The following ZFPM2 variants were observed in gnomAD, a reference collection of about 807,000 sequenced individuals.
The protein encoded by ZFPM2 is zinc finger protein, FOG family member 2.
ZFPM2 carries 20 observed loss-of-function variants against 98.6 expected under a neutral mutation model. The observed-to-expected ratio is 0.20, with a 90% CI of 0.14 to 0.29. The LOEUF is 0.29. Ranked by LOEUF, ZFPM2 falls within the 10% of genes least tolerant of loss-of-function variation. The pLI is 1.00. For synonymous variants in ZFPM2, 518 were observed against 502.7 expected, an observed-to-expected ratio of 1.03 and a Z score of -0.41; for missense variants, 1,310 against 1,388.6, an observed-to-expected ratio of 0.94 and a Z score of 0.90.
chr8:105,746,939 A>G (rs1006856284), intron 5 of ZFPM2, among the ~76,000 whole-genome samples: 3 of 152,080 alleles, frequency 2.0e-5, no homozygotes, highest in African/African-American at 7.2e-5. Flanking sequence ...TGTTAATTCA[A>G]AACATTTTGT....
At chr8:105,469,372 C>T (rs574241253) in intron 3 of ZFPM2, among the ~76,000 whole-genome samples, 1 of 152,150 alleles carries the variant, frequency 6.6e-6, no homozygotes, top group South Asian at 2.1e-4. Context: ...TCTTATTTTT[C>T]CCCTTTCTAT....
At chr8:105,624,133 C>T (rs906305798) in intron 4 of ZFPM2, among the ~76,000 whole-genome samples, 2 of 152,136 alleles carry the variant, frequency 1.3e-5, no homozygotes, top group Non-Finnish European at 2.9e-5. Context: ...AGTGACTGGC[C>T]TCAGGTCACA....
intron 4 of ZFPM2, among the ~76,000 whole-genome samples, chr8:105,568,997 T>C (rs552340469): frequency 6.6e-6 from 1 of 151,588 alleles, no homozygotes; most frequent in African/African-American, 2.4e-5. Flanking sequence ...CCCACCTATC[T>C]CTCTTCATCT....
Position 105,444,277 on chromosome 8 carries a change from C to A in ZFPM2, c.200-3C>A. On this transcript the variant is annotated splice_polypyrimidine_tract_variant and splice_region_variant and intron_variant, in intron 2 of 7. Coordinates refer to ENST00000407775, the MANE Select transcript of ZFPM2 (RefSeq NM_012082.4). ...TTTCTCTCCTTGTGTTGGTGTTTTCCAGGTGATGATGAAGGAATCCAGGAG... is the reference window on the plus strand; with the variant it reads ...TTTCTCTCCTTGTGTTGGTGTTTTCAAGGTGATGATGAAGGAATCCAGGAG... The A allele has an allele frequency of 6.2e-7, 1 of 1,607,462 alleles. No individual in the cohort carries two copies. The highest frequency in any genetic ancestry group is 8.5e-7 in the Non-Finnish European group (1 of 1,176,708).
intron 1 of ZFPM2, among the ~76,000 whole-genome samples, chr8:105,352,771 G>C (rs1415647467): frequency 6.6e-6 from 1 of 152,038 alleles, no homozygotes; most frequent in Non-Finnish European, 1.5e-5. Context: ...TTGTTGTAAG[G>C]TGGCTTTTTG....
intron 4 of ZFPM2, among the ~76,000 whole-genome samples, chr8:105,626,523 C>T (rs1206299174): frequency 6.6e-6 from 1 of 151,942 alleles, no homozygotes; most frequent in Non-Finnish European, 1.5e-5. Context: ...ACCATTTTTT[C>T]ATTTAAATGT....
chr8:105,775,904 A>G (rs999995493), intron 5 of ZFPM2, among the ~76,000 whole-genome samples: 17 of 152,132 alleles, frequency 1.1e-4, no homozygotes, highest in Admixed American at 6.6e-4. Flanking sequence ...CCTCCAACAC[A>G]TTAATTCAGG....
chr8:105,793,624 T>C (rs377512299), intron 6 of ZFPM2, among the ~76,000 whole-genome samples: 2 of 152,178 alleles, frequency 1.3e-5, no homozygotes, highest in Non-Finnish European at 2.9e-5. Context: ...TGAATCTGAA[T>C]GTTGGCCTGC....
At chr8:105,458,160 A>G (rs1812628383) in intron 3 of ZFPM2, among the ~76,000 whole-genome samples, 1 of 152,192 alleles carries the variant, frequency 6.6e-6, no homozygotes, top group Non-Finnish European at 1.5e-5. Flanking sequence ...TCTTTTTGAC[A>G]AAATTCCCAT....
In ZFPM2 at chr8:105,560,253, T is replaced by A. The variant is rs576625059; in HGVS notation, c.302-1110T>A. Among the ~76,000 whole-genome samples, 13 of 152,166 alleles carry A rather than the reference T, an allele frequency of 8.5e-5. 1 individual carries two copies. The highest frequency in any genetic ancestry group is 2.6e-4 in the African/African-American group (11 of 41,546). On this transcript the variant is annotated intron_variant, in intron 3 of 7. Coordinates refer to ENST00000407775, the MANE Select transcript of ZFPM2 (RefSeq NM_012082.4). The stretch of plus-strand genomic sequence containing the variant: ...CCTCAGCTTTCTATTCTATATGGAT[T>A]TTCAGTGACATTAAAATTGACGCAA...
intron 1 of ZFPM2, among the ~76,000 whole-genome samples, chr8:105,345,732 A>C (rs1258080001): frequency 6.6e-6 from 1 of 152,124 alleles, no homozygotes; most frequent in Non-Finnish European, 1.5e-5. Context: ...GTAGTAGAGA[A>C]ATTGGGAATA....
At chr8:105,579,981 A>G (rs1172033858) in intron 4 of ZFPM2, among the ~76,000 whole-genome samples, 4 of 152,082 alleles carry the variant, frequency 2.6e-5, no homozygotes, top group Non-Finnish European at 5.9e-5. Flanking sequence ...AGCAGCACAC[A>G]CCTGTGCTCT....
intron 4 of ZFPM2, among the ~76,000 whole-genome samples, chr8:105,607,570 T>C (rs1209079595): frequency 2.0e-5 from 3 of 152,162 alleles, no homozygotes; most frequent in Admixed American, 6.6e-5. Context: ...GAAGTATAAC[T>C]CCAAAGAGTT....
At chr8:105,631,926 C>A (rs1426890110) in intron 4 of ZFPM2, among the ~76,000 whole-genome samples, 1 of 151,876 alleles carries the variant, frequency 6.6e-6, no homozygotes, top group Non-Finnish European at 1.5e-5. Flanking sequence ...AACTATGAAA[C>A]AGGTTGATTA....
chr8:105,767,686 A>T (rs1010181155), intron 5 of ZFPM2, among the ~76,000 whole-genome samples: 1 of 151,886 alleles, frequency 6.6e-6, no homozygotes, highest in African/African-American at 2.4e-5. Context: ...TCACTGGGGA[A>T]AAATAGACAA....
At chr8:105,681,748 T>G (rs967551735) in intron 5 of ZFPM2, among the ~76,000 whole-genome samples, 6 of 152,140 alleles carry the variant, frequency 3.9e-5, no homozygotes, top group Non-Finnish European at 2.9e-5. Context: ...AGAATATACT[T>G]ATAAATTACT....
intron 3 of ZFPM2, among the ~76,000 whole-genome samples, chr8:105,559,158 A>G (rs1454804724): frequency 6.6e-6 from 1 of 152,202 alleles, no homozygotes; most frequent in Non-Finnish European, 1.5e-5. Context: ...CACAAAGATG[A>G]AAAACATTTT....
At position 105,593,524 on chromosome 8, in the gene ZFPM2, T is replaced by C. The variant is rs1815895126; in HGVS notation, c.420+32043T>C. Among the ~76,000 whole-genome samples the C allele has an allele frequency of 2.0e-5, 3 of 152,138 alleles. 1 individual carries two copies. Among genetic ancestry groups the C allele is most frequent in the Non-Finnish European group, 4.4e-5 (3 of 67,990 alleles). On this transcript the variant is annotated intron_variant, in intron 4 of 7. Coordinates refer to ENST00000407775, the MANE Select transcript of ZFPM2 (RefSeq NM_012082.4). ...AGATTTGTTACATACATGATACCAG[T>C]GTCCCAAATCTGCTGTCCGCAGCTG...
intron 3 of ZFPM2, among the ~76,000 whole-genome samples, chr8:105,523,441 G>A (rs73304179): frequency 1.2e-3 from 183 of 152,230 alleles, no homozygotes; most frequent in African/African-American, 4.1e-3. Flanking sequence ...CACACTGCTC[G>A]CCCTGCTCTT....
Sources: allele counts gnomAD v4.1 joint callset (sites outside exome capture counted in the v4.1 genomes callset), GRCh38; gene constraint gnomAD v4.1.1; transcripts MANE v1.5; gene names NCBI Gene and HGNC (gene_info 2026-07-23, HGNC 2026-07-21).